Variants in RAB28 observed in about 807,000 individuals in gnomAD.
The protein encoded by RAB28 is ras-related protein Rab-28.
In RAB28, 24 loss-of-function variants were observed where a neutral mutation model predicts 31.7. That is an observed-to-expected ratio of 0.76 (90% confidence interval 0.55 to 1.06). RAB28 has a LOEUF of 1.06. Among genes scored for constraint, RAB28 ranks in the 50% least tolerant of loss-of-function variants. The probability of loss-of-function intolerance (pLI) is 0.00; values close to 1 mark genes in which losing one functional copy is unlikely to be tolerated. For synonymous variants in RAB28, 100 were observed against 90.4 expected (o/e 1.11, Z -0.60); for missense variants, 254 against 258.5 (o/e 0.98, Z 0.12).
At chr4:13,370,089 C>A in intron 6 of RAB28, 2 of 1,424,700 alleles carry the variant, frequency 1.4e-6, no homozygotes, top group Non-Finnish European at 1.8e-6. Context: ...ATAAAATTAA[C>A]ATATAAATGT....
intron 4 of RAB28, among the ~76,000 whole-genome samples, chr4:13,438,303 G>C (rs1031584934): frequency 1.3e-5 from 2 of 152,132 alleles, no homozygotes; most frequent in Non-Finnish European, 2.9e-5. Flanking sequence ...TCATAAAGTT[G>C]AACATTTTAA....
intron 5 of RAB28, among the ~76,000 whole-genome samples, chr4:13,377,559 T>C (rs1193722995): frequency 1.3e-5 from 2 of 151,910 alleles, no homozygotes; most frequent in African/African-American, 2.4e-5. Flanking sequence ...AGCAAAGAGA[T>C]GAAGGGAGTA....
chr4:13,410,195 A>G (rs1712353461), intron 4 of RAB28, among the ~76,000 whole-genome samples: 1 of 152,118 alleles, frequency 6.6e-6, no homozygotes, highest in Non-Finnish European at 1.5e-5. Flanking sequence ...TTTATAAATT[A>G]CCCAGTTTCA....
chr4:13,444,385 T>C lies in RAB28; in HGVS notation c.391+16314A>G, dbSNP rs548401455. 5.9e-5 allele frequency among the ~76,000 whole-genome samples: 9 copies of C among 152,212 alleles called. No individual in the cohort carries two copies. The East Asian group carries it at 9.7e-4, about 16-fold the overall frequency. The stretch of plus-strand genomic sequence containing the variant: ...TCGTGTGCGTGTGTGTATACAAATA[T>C]ATATATATATGCGCCACATTTTCTT... On this transcript the variant is annotated intron_variant, in intron 4 of 6. Coordinates refer to ENST00000330852, the MANE Select transcript of RAB28 (RefSeq NM_001017979.3).
intron 4 of RAB28, among the ~76,000 whole-genome samples, chr4:13,402,609 C>T (rs753375858): frequency 1.3e-5 from 2 of 152,006 alleles, no homozygotes; most frequent in South Asian, 2.1e-4. Flanking sequence ...TCTAAGCTAC[C>T]TGTATCTTCA....
chr4:13,402,677 A>G (rs948853761), intron 4 of RAB28, among the ~76,000 whole-genome samples: 1 of 152,100 alleles, frequency 6.6e-6, no homozygotes, highest in Non-Finnish European at 1.5e-5. Flanking sequence ...TTTTCTATCC[A>G]ATATGATTAT....
At chr4:13,460,650 A>G (rs1213841917) in intron 4 of RAB28, 49 bp downstream of exon 4, 1 of 1,610,078 alleles carries the variant, frequency 6.2e-7, no homozygotes, top group Admixed American at 1.7e-5. Context: ...CATTCTGTCC[A>G]CAACAGCAAG....
intron 4 of RAB28, among the ~76,000 whole-genome samples, chr4:13,413,872 G>A (rs939293066): frequency 3.3e-5 from 5 of 152,116 alleles, no homozygotes; most frequent in African/African-American, 7.2e-5. Context: ...AAATATAGAA[G>A]ACAAGAACTA....
intron 3 of RAB28, among the ~76,000 whole-genome samples, chr4:13,472,224 T>C (rs996665400): frequency 6.6e-6 from 1 of 151,964 alleles, no homozygotes; most frequent in Non-Finnish European, 1.5e-5. Flanking sequence ...CATAGCTCAC[T>C]GCAACCTCAA....
chr4:13,377,113 AT>A (rs1425155235), intron 5 of RAB28, among the ~76,000 whole-genome samples: 1 of 152,088 alleles, frequency 6.6e-6, no homozygotes, highest in African/African-American at 2.4e-5. Context: ...CAAATTCTCC[AT>A]GTTTCTTGAG....
At chr4:13,392,882 T>C (rs1729702680) in intron 4 of RAB28, among the ~76,000 whole-genome samples, 1 of 152,166 alleles carries the variant, frequency 6.6e-6, no homozygotes, top group African/African-American at 2.4e-5. Context: ...TTCTCATCTA[T>C]AAAATGAAAA....
intron 3 of RAB28, chr4:13,474,087 A>G: frequency 1.5e-6 from 1 of 664,482 alleles, no homozygotes; most frequent in East Asian, 3.0e-5. Context: ...AGTAATGTAA[A>G]TAACATACGA....
intron 4 of RAB28, among the ~76,000 whole-genome samples, chr4:13,447,004 T>C (rs1714734370): frequency 1.3e-5 from 2 of 152,182 alleles, no homozygotes; most frequent in South Asian, 4.1e-4. Flanking sequence ...GCCAGATGCT[T>C]AGGCCCCAAA....
At chr4:13,381,653 A>T (rs1729135501) in intron 4 of RAB28, 59 bp from the exon 5 acceptor site, 13 of 1,244,592 alleles carry the variant, frequency 1.0e-5, no homozygotes, top group Non-Finnish European at 1.5e-5. Flanking sequence ...AAACGTTTTT[A>T]ACATGTTTAA....
chr4:13,370,104 A>T, intron 6 of RAB28: 1 of 1,418,296 alleles, frequency 7.1e-7, no homozygotes, highest in Non-Finnish European at 9.2e-7. Context: ...AAATGTAAAC[A>T]TGTCTCACAC....
rs749050630 is a variant in RAB28, at chr4:13,369,826, C to T, written c.574-1176G>A. ...AAGAACAAGATAGCATTCAATGGTTCTCCCTTCCCACCTCCCCAAACTGTA... is the reference window on the plus strand; with the variant it reads ...AAGAACAAGATAGCATTCAATGGTTTTCCCTTCCCACCTCCCCAAACTGTA... On this transcript the variant is annotated intron_variant, in intron 6 of 6. Coordinates refer to ENST00000330852, the MANE Select transcript of RAB28 (RefSeq NM_001017979.3). The T allele has an allele frequency of 4.5e-6, 7 of 1,542,560 alleles. No individual in the cohort carries two copies. The Admixed American group carries it at 7.3e-5, about 16-fold the overall frequency.
intron 5 of RAB28, among the ~76,000 whole-genome samples, chr4:13,380,126 T>C (rs1729068218): frequency 6.6e-6 from 1 of 152,114 alleles, no homozygotes; most frequent in Non-Finnish European, 1.5e-5. Context: ...TTATTGACAT[T>C]ACATTTTTTA....
In RAB28 at chr4:13,448,327, C is replaced by T. The variant is rs1249249678; in HGVS notation, c.391+12372G>A. On this transcript the variant is annotated intron_variant, in intron 4 of 6. Coordinates refer to ENST00000330852, the MANE Select transcript of RAB28 (RefSeq NM_001017979.3). ...ATCAAAGATTCATCCTAAAAGAAAA[C>T]AAATAAGATGAATTATGCTTTTATT... Among the ~76,000 whole-genome samples, 5 of 151,950 alleles carry T rather than the reference C, an allele frequency of 3.3e-5. No individual in the cohort carries two copies. The East Asian group carries it at 9.6e-4, about 29-fold the overall frequency.
rs145343529 is a variant in RAB28, at chr4:13,473,641, T to C, written c.261+677A>G. ...CTACCCTGCATATTTTCTATTTGTA[T>C]AATAACTTTATTTAAAATCTTATAA... On this transcript the variant is annotated intron_variant, in intron 3 of 6. Transcript: ENST00000330852. Among the ~76,000 whole-genome samples, 694 of 151,980 alleles carry C rather than the reference T, an allele frequency of 4.6e-3. 6 individuals carry two copies. Among genetic ancestry groups the C allele is most frequent in the African/African-American group, 0.016 (661 of 41,538 alleles).
Sources: gnomAD v4.1 joint callset for allele counts (sites outside exome capture counted in the v4.1 genomes callset) on GRCh38, gnomAD v4.1.1 for gene constraint, MANE v1.5 for transcripts, NCBI Gene and HGNC (gene_info 2026-07-23, HGNC 2026-07-21) for gene names.